Variants in FOXRED1 observed in about 807,000 individuals in gnomAD.
FOXRED1 encodes FAD dependent oxidoreductase domain containing 1, also known as FAD-dependent oxidoreductase domain-containing protein 1.
A neutral mutation model predicts 57.8 loss-of-function variants in FOXRED1; 52 were observed. The ratio of observed to expected loss-of-function variants is 0.90; its 90% CI spans 0.72 to 1.13. The LOEUF (loss-of-function observed/expected upper bound fraction) is 1.13, where lower values mean the gene tolerates loss of function less well. Among genes scored for constraint, FOXRED1 ranks in the 50% most tolerant of loss-of-function variants. FOXRED1 has a pLI of 0.00. For missense variants in FOXRED1, 589 were observed against 625.2 expected (o/e 0.94, Z 0.62); for synonymous variants, 271 against 248.3 (o/e 1.09, Z -0.86).
Position 126,275,767 on chromosome 11 carries a change from G to C in FOXRED1, c.734-27G>C. 1.3e-6 allele frequency: 2 copies of C among 1,497,340 alleles called. No individual in the cohort carries two copies. The highest frequency in any genetic ancestry group is 1.9e-6 in the Non-Finnish European group (2 of 1,074,296). The allele number at this position is 1,497,340 out of a possible 1,614,324, so 92.8% of individuals were successfully genotyped here. ...TTCATTCCTCTTCAGCACCTCTACGGCCTATTTTTCATTTTCTTCTCTGCA... is the reference window on the plus strand; with the variant it reads ...TTCATTCCTCTTCAGCACCTCTACGCCCTATTTTTCATTTTCTTCTCTGCA... On this transcript the variant is annotated intron_variant, in intron 6 of 10. Coordinates refer to ENST00000263578, the MANE Select transcript of FOXRED1 (RefSeq NM_017547.4). The surrounding 1 kb of genome is among the most constrained non-coding windows in gnomAD (Gnocchi z 5.9).
chr11:126,275,947 C>G lies in FOXRED1; in HGVS notation c.810+77C>G. ...TAGTGACTCTCCTTGTTTTGGTTTTCTTTGACCCACTTTCCAGTATGGGTA... is the reference window on the plus strand; with the variant it reads ...TAGTGACTCTCCTTGTTTTGGTTTTGTTTGACCCACTTTCCAGTATGGGTA... On this transcript the variant is annotated intron_variant, in intron 7 of 10. Coordinates refer to ENST00000263578, the MANE Select transcript of FOXRED1 (RefSeq NM_017547.4). This position sits in a 1 kb window ranked among gnomAD's most constrained non-coding sequence, Gnocchi z 5.9. 6.4e-7 allele frequency: 1 copy of G among 1,568,236 alleles called. No individual in the cohort carries two copies. Among genetic ancestry groups the G allele is most frequent in the Non-Finnish European group, 8.8e-7 (1 of 1,138,908 alleles).
At position 126,272,431 on chromosome 11, in the gene FOXRED1, C is replaced by T. The variant is rs1951016498; in HGVS notation, c.307-538C>T. 9.5e-6 allele frequency: 2 copies of T among 211,468 alleles called. No individual in the cohort carries two copies. The highest frequency in any genetic ancestry group is 2.3e-5 in the African/African-American group (1 of 42,904). 13.1% of individuals were successfully genotyped at this position (211,468 alleles called of 1,614,324 possible). On this transcript the variant is annotated intron_variant, in intron 2 of 10. Coordinates refer to ENST00000263578, the MANE Select transcript of FOXRED1 (RefSeq NM_017547.4). The surrounding 1 kb of genome is among the most constrained non-coding windows in gnomAD (Gnocchi z 4.6). ...CCTTAGCCTCCAGAGTAGCTGGGAC[C>T]ACAGGCATGCACCACCACACCTGGC... is the stretch of plus-strand genomic sequence containing the variant.
At position 126,272,176 on chromosome 11, in the gene FOXRED1, G is replaced by T. The variant is rs997354954; in HGVS notation, c.306+519G>T. Among the ~76,000 whole-genome samples, 1 of 152,056 alleles carries T rather than the reference G, an allele frequency of 6.6e-6. No individual in the cohort carries two copies. Among genetic ancestry groups the T allele is most frequent in the African/African-American group, 2.4e-5 (1 of 41,386 alleles). ...GAGGTTTCACCATGTTGCCTAGGCTGGTCTTGAACTCCGAACCTCAAGTGA... is the reference window on the plus strand; with the variant it reads ...GAGGTTTCACCATGTTGCCTAGGCTTGTCTTGAACTCCGAACCTCAAGTGA... On this transcript the variant is annotated intron_variant, in intron 2 of 10. Coordinates refer to ENST00000263578, the MANE Select transcript of FOXRED1 (RefSeq NM_017547.4). This position sits in a 1 kb window ranked among gnomAD's most constrained non-coding sequence, Gnocchi z 4.6.
chr11:126,277,100 A>G lies in FOXRED1; in HGVS notation c.1131A>G (p.Glu377=). 1 of 1,613,570 alleles carries G rather than the reference A, an allele frequency of 6.2e-7. No individual in the cohort carries two copies. Among genetic ancestry groups the G allele is most frequent in the Non-Finnish European group, 8.5e-7 (1 of 1,179,820 alleles). Residue 377 remains glutamate, a synonymous_variant, in exon 10 of 11, where the codon GAA becomes GAG. Coordinates refer to ENST00000263578, the MANE Select transcript of FOXRED1 (RefSeq NM_017547.4). The surrounding 1 kb of genome is among the most constrained non-coding windows in gnomAD (Gnocchi z 6.8). The stretch of plus-strand genomic sequence containing the variant: ...AAGAACCGGACCCGGCGAACCTGGA[A>G]GTGGACCATGATTTCTTCCAGGACA... ...EQEEPDPANL[E]VDHDFFQDKV...
chr11:126,269,197 C>A lies in FOXRED1; in HGVS notation c.-10C>A, dbSNP rs915682719. 2 of 1,607,328 alleles carry A rather than the reference C, an allele frequency of 1.2e-6. No individual in the cohort carries two copies. The highest frequency in any genetic ancestry group is 1.7e-6 in the Non-Finnish European group (2 of 1,174,450). Reference sequence around the variant, plus strand: ...GTGCAGCTTTCAGAGGGTCCGGGCTCAGAGGGGTTATGATTCGGAGGGTTC... The same window carrying A: ...GTGCAGCTTTCAGAGGGTCCGGGCTAAGAGGGGTTATGATTCGGAGGGTTC... On this transcript the variant is annotated 5_prime_UTR_variant, in exon 1 of 11. Coordinates refer to ENST00000263578, the MANE Select transcript of FOXRED1 (RefSeq NM_017547.4).
In FOXRED1 at chr11:126,271,321, TG is replaced by T; in HGVS notation, c.86-112del. The T allele has an allele frequency of 1.3e-6, 1 of 775,174 alleles. No homozygotes were observed. The highest frequency in any genetic ancestry group is 2.3e-6 in the Non-Finnish European group (1 of 434,324). 48.0% of individuals were successfully genotyped at this position (775,174 alleles called of 1,614,324 possible). A position where few individuals can be genotyped will look rare whatever the true frequency, so the allele number is the denominator to read the frequency against. ...GTGACCTTATGAGATGGGCTGACAG[TG>T]GGGACTGCCAACTCATGTGTCTGTT... On this transcript the variant is annotated intron_variant, in intron 1 of 10. Coordinates refer to ENST00000263578, the MANE Select transcript of FOXRED1 (RefSeq NM_017547.4). The surrounding 1 kb of genome is among the most constrained non-coding windows in gnomAD (Gnocchi z 5.3).
Position 126,274,886 on chromosome 11 carries a change from CCT to C in FOXRED1, c.537-36_537-35del, listed in dbSNP as rs761793426. On this transcript the variant is annotated intron_variant, in intron 4 of 10. Transcript: ENST00000263578. This position sits in a 1 kb window ranked among gnomAD's most constrained non-coding sequence, Gnocchi z 4.8. ...CATACATCATCCCCCTGCACACTCC[CCT>C]CTCTGACACACATACACCGACCCAC... 3.4e-6 allele frequency: 4 copies of C among 1,170,466 alleles called. No homozygotes were observed. Among genetic ancestry groups the C allele is most frequent in the Middle Eastern group, 1.9e-4 (1 of 5,234 alleles). The allele number at this position is 1,170,466 out of a possible 1,614,324, so 72.5% of individuals were successfully genotyped here. A position where few individuals can be genotyped will look rare whatever the true frequency, so the allele number is the denominator to read the frequency against.
At position 126,277,873 on chromosome 11, in the gene FOXRED1, A is replaced by T. The variant is rs898770066; in HGVS notation, c.*184A>T. 2.8e-6 allele frequency: 2 copies of T among 716,522 alleles called. No homozygotes were observed. Among genetic ancestry groups the T allele is most frequent in the Non-Finnish European group, 5.0e-6 (2 of 399,282 alleles). 44.4% of individuals were successfully genotyped at this position (716,522 alleles called of 1,614,324 possible). A position where few individuals can be genotyped will look rare whatever the true frequency, so the allele number is the denominator to read the frequency against. On this transcript the variant is annotated 3_prime_UTR_variant, in exon 11 of 11. Transcript: ENST00000263578. This position sits in a 1 kb window ranked among gnomAD's most constrained non-coding sequence, Gnocchi z 6.8. The stretch of plus-strand genomic sequence containing the variant: ...CACAGGCAGTGAGGCCGAGGCCAAT[A>T]GCGAGTGATGAGCGGGATCCTAGGA...
At position 126,273,154 on chromosome 11, in the gene FOXRED1, C is replaced by T; in HGVS notation, c.417+75C>T. 1 of 1,025,320 alleles carries T rather than the reference C, an allele frequency of 9.8e-7. No individual in the cohort carries two copies. The allele number at this position is 1,025,320 out of a possible 1,614,324, so 63.5% of individuals were successfully genotyped here. A position where few individuals can be genotyped will look rare whatever the true frequency, so the allele number is the denominator to read the frequency against. On this transcript the variant is annotated intron_variant, in intron 3 of 10. Coordinates refer to ENST00000263578, the MANE Select transcript of FOXRED1 (RefSeq NM_017547.4). This position sits in a 1 kb window ranked among gnomAD's most constrained non-coding sequence, Gnocchi z 5.9. Reference sequence around the variant, plus strand: ...CCAGAGTGGGGAGCAGCCCAGCTAGCAAGGTAGCCAGAGAGCAAGAATGGG... The same window carrying T: ...CCAGAGTGGGGAGCAGCCCAGCTAGTAAGGTAGCCAGAGAGCAAGAATGGG...
Position 126,276,120 on chromosome 11 carries a change from C to G in FOXRED1, c.872C>G (p.Ala291Gly), listed in dbSNP as rs974737910. The change falls in exon 8 of 11, where the codon GCC (alanine) becomes GGC (glycine). Residue 291 changes from alanine (A) to glycine (G), a missense_variant. Transcript: ENST00000263578. ...PVECAIVINAAGAWSAQIAAL... is the reference protein window; with the variant it reads ...PVECAIVINAGGAWSAQIAAL... ...GAATGCGCCATTGTGATCAACGCAG[C>G]CGGAGCCTGGTCTGCGCAAATCGCA... 1 of 1,612,540 alleles carries G rather than the reference C, an allele frequency of 6.2e-7. No individual in the cohort carries two copies. The highest frequency in any genetic ancestry group is 1.3e-5 in the African/African-American group (1 of 74,808).
At position 126,276,237 on chromosome 11, in the gene FOXRED1, A is replaced by G; in HGVS notation, c.971+18A>G. 8.2e-7 allele frequency: 1 copy of G among 1,218,638 alleles called. No individual in the cohort carries two copies. Among genetic ancestry groups the G allele is most frequent in the Non-Finnish European group, 1.0e-6 (1 of 961,594 alleles). The allele number at this position is 1,218,638 out of a possible 1,614,324, so 75.5% of individuals were successfully genotyped here. A position where few individuals can be genotyped will look rare whatever the true frequency, so the allele number is the denominator to read the frequency against. On this transcript the variant is annotated intron_variant, in intron 8 of 10. Coordinates refer to ENST00000263578, the MANE Select transcript of FOXRED1 (RefSeq NM_017547.4). ...AGGAAAAGGTAACTGCCCTCCGGAC[A>G]GCTGAGGAGGTTGGTGAGAAAGAAA...
In FOXRED1 at chr11:126,274,910, C is replaced by G. The variant is rs1486219010; in HGVS notation, c.537-17C>G. On this transcript the variant is annotated splice_polypyrimidine_tract_variant and intron_variant, in intron 4 of 10. Transcript: ENST00000263578. The surrounding 1 kb of genome is among the most constrained non-coding windows in gnomAD (Gnocchi z 4.8). ...CCCTCTCTGACACACATACACCGAC[C>G]CACACGTTTATCTCAGGCAGGAGGG... is the stretch of plus-strand genomic sequence containing the variant. 1 of 1,496,968 alleles carries G rather than the reference C, an allele frequency of 6.7e-7. No homozygotes were observed. The highest frequency in any genetic ancestry group is 1.4e-5 in the African/African-American group (1 of 72,432). 92.7% of individuals were successfully genotyped at this position (1,496,968 alleles called of 1,614,324 possible).
chr11:126,276,373 T>C, intron 8 of FOXRED1, 21 bp from the exon 9 acceptor site: 1 of 1,206,924 alleles, frequency 8.3e-7, no homozygotes, highest in Non-Finnish European at 1.1e-6. Context: ...CTGCAGTTCG[T>C]AACCGCACTG....
chr11:126,270,041 C>T (rs117439239), intron 1 of FOXRED1, among the ~76,000 whole-genome samples: 1 of 150,302 alleles, frequency 6.7e-6, no homozygotes, highest in Admixed American at 6.6e-5. Context: ...ATGCTTTGCA[C>T]TGCTAGCTAG....
intron 1 of FOXRED1, 141 bp downstream of exon 1, chr11:126,269,432 G>C (rs1950911337): frequency 6.6e-7 from 1 of 1,510,108 alleles, no homozygotes; most frequent in Non-Finnish European, 9.0e-7. Context: ...TTACCTACCA[G>C]AGCTTGTAGG....
In FOXRED1 at chr11:126,273,656, C is replaced by CTTCCTAATTTTT; in HGVS notation, c.536+212_536+213insTTTTCCTAATTT. 3.3e-6 allele frequency: 2 copies of CTTCCTAATTTTT among 606,556 alleles called. No individual in the cohort carries two copies. Among genetic ancestry groups the CTTCCTAATTTTT allele is most frequent in the Non-Finnish European group, 3.0e-6 (1 of 332,402 alleles). 37.6% of individuals were successfully genotyped at this position (606,556 alleles called of 1,614,324 possible). On this transcript the variant is annotated intron_variant, in intron 4 of 10. Coordinates refer to ENST00000263578, the MANE Select transcript of FOXRED1 (RefSeq NM_017547.4). This position sits in a 1 kb window ranked among gnomAD's most constrained non-coding sequence, Gnocchi z 5.9. ...GATATGGACAAAACACTGCGAGGTG[C>CTTCCTAATTTTT]TTCCTAATTTGTCAGATCATGAAAA... is the stretch of plus-strand genomic sequence containing the variant.
Position 126,275,229 on chromosome 11 carries a change from G to C in FOXRED1, c.632-98G>C. 2.0e-6 allele frequency: 2 copies of C among 987,060 alleles called. No homozygotes were observed. Among genetic ancestry groups the C allele is most frequent in the Non-Finnish European group, 3.2e-6 (2 of 615,760 alleles). 61.1% of individuals were successfully genotyped at this position (987,060 alleles called of 1,614,324 possible). A position where few individuals can be genotyped will look rare whatever the true frequency, so the allele number is the denominator to read the frequency against. On this transcript the variant is annotated intron_variant, in intron 5 of 10. Coordinates refer to ENST00000263578, the MANE Select transcript of FOXRED1 (RefSeq NM_017547.4). The surrounding 1 kb of genome is among the most constrained non-coding windows in gnomAD (Gnocchi z 5.9). ...CAGTTGGTTAAGATGACCTTCCCCG[G>C]CTTACAAGCCCTAGAGAGGGGTTGG...
chr11:126,275,816 C>T lies in FOXRED1; in HGVS notation c.756C>T (p.Arg252=). 4.3e-6 allele frequency: 7 copies of T among 1,612,502 alleles called. No homozygotes were observed. The highest frequency in any genetic ancestry group is 5.9e-6 in the Non-Finnish European group (7 of 1,178,592). ...EVTRFVSSSQ[R]MLTTDDKAVV... is the part of the protein sequence containing the mutation. Reference sequence around the variant, plus strand: ...CAGGTTTTGTCTCTTCATCTCAACGCATGTTGACCACAGATGACAAAGCGG... The same window carrying T: ...CAGGTTTTGTCTCTTCATCTCAACGTATGTTGACCACAGATGACAAAGCGG... Residue 252 remains arginine, a synonymous_variant, in exon 7 of 11, where the codon CGC becomes CGT. Transcript: ENST00000263578. The surrounding 1 kb of genome is among the most constrained non-coding windows in gnomAD (Gnocchi z 5.9).
In FOXRED1 at chr11:126,277,311, C is replaced by G; in HGVS notation, c.1207-124C>G. 1 of 1,322,386 alleles carries G rather than the reference C, an allele frequency of 7.6e-7. No individual in the cohort carries two copies. Among genetic ancestry groups the G allele is most frequent in the African/African-American group, 1.4e-5 (1 of 69,500 alleles). 81.9% of individuals were successfully genotyped at this position (1,322,386 alleles called of 1,614,324 possible). A position where few individuals can be genotyped will look rare whatever the true frequency, so the allele number is the denominator to read the frequency against. ...CACAACTGCTAAGGAATTTCTTGGA[C>G]ACATCCCATCCCATAGACCCCTCAG... On this transcript the variant is annotated intron_variant, in intron 10 of 10. Coordinates refer to ENST00000263578, the MANE Select transcript of FOXRED1 (RefSeq NM_017547.4). The surrounding 1 kb of genome is among the most constrained non-coding windows in gnomAD (Gnocchi z 6.8).
Sources: gnomAD v4.1 joint callset for allele counts (sites outside exome capture counted in the v4.1 genomes callset) on GRCh38, gnomAD v4.1.1 for gene constraint, Gnocchi (gnomAD v3.1) non-coding constraint, MANE v1.5 for transcripts, NCBI Gene and HGNC (gene_info 2026-07-23, HGNC 2026-07-21) for gene names.